Variants in ASIC2 observed in about 807,000 individuals in gnomAD.
The protein encoded by ASIC2 is acid sensing ion channel subunit 2, also known as acid-sensing ion channel 2.
In ASIC2, 25 loss-of-function variants were observed where a neutral mutation model predicts 57.3. That is an observed-to-expected ratio of 0.44 (90% CI 0.32 to 0.61). The LOEUF (loss-of-function observed/expected upper bound fraction) is 0.61, where lower values mean the gene tolerates loss of function less well. ASIC2 is among the 20% of genes least tolerant of loss of function. The probability of loss-of-function intolerance (pLI) is 0.06; values close to 1 mark genes in which losing one functional copy is unlikely to be tolerated. For missense variants in ASIC2, 641 were observed against 738.1 expected, an observed-to-expected ratio of 0.87 and a Z score of 1.52; for synonymous variants, 319 against 307.5, an observed-to-expected ratio of 1.04 and a Z score of -0.39.
intron 1 of ASIC2, among the ~76,000 whole-genome samples, chr17:33,948,603 A>G (rs1245381164): frequency 1.3e-5 from 2 of 152,226 alleles, no homozygotes; most frequent in Non-Finnish European, 2.9e-5. Flanking sequence ...TACACAGAGA[A>G]GGCGTGAGGA....
intron 1 of ASIC2, among the ~76,000 whole-genome samples, chr17:34,034,906 A>T (rs1370594717): frequency 6.6e-6 from 1 of 152,230 alleles, no homozygotes; most frequent in Non-Finnish European, 1.5e-5. Flanking sequence ...ATGGATAGGA[A>T]GAATCAATAT....
intron 3 of ASIC2, among the ~76,000 whole-genome samples, chr17:33,072,354 C>T (rs1053240957): frequency 5.9e-5 from 9 of 152,104 alleles, no homozygotes; most frequent in Admixed American, 3.3e-4. Flanking sequence ...ACAAGCTGTA[C>T]CTACATCTTG....
At chr17:33,365,333 A>G (rs1412891621) in intron 1 of ASIC2, among the ~76,000 whole-genome samples, 1 of 151,120 alleles carries the variant, frequency 6.6e-6, no homozygotes, top group Non-Finnish European at 1.5e-5. Context: ...TGTATTTGTT[A>G]TCTGCCTCTT....
At chr17:33,576,785 TG>T (rs34780555) in intron 1 of ASIC2, among the ~76,000 whole-genome samples, 94,748 of 151,982 alleles carry the variant, frequency 0.62, 31,372 homozygotes, top group African/African-American at 0.86. Flanking sequence ...AAAGGGCACC[TG>T]GTTCTTTGAG....
At position 34,021,927 on chromosome 17, in the gene ASIC2, T is replaced by C. The variant is rs577529086; in HGVS notation, c.555+134051A>G. Among the ~76,000 whole-genome samples the C allele has an allele frequency of 5.0e-5, 7 of 141,088 alleles. No individual in the cohort carries two copies. In the East Asian group the frequency reaches 1.7e-3, roughly 34 times the overall value. The allele number at this position is 141,088 out of a possible 152,430, so 92.6% of individuals were successfully genotyped here. On this transcript the variant is annotated intron_variant, in intron 1 of 9. Transcript: ENST00000359872. The stretch of plus-strand genomic sequence containing the variant: ...ATCTCGGCTCACTGCAAACTCCACC[T>C]CCTGGGCTCACGCCATTCTCTTGTC...
intron 1 of ASIC2, chr17:33,565,651 C>T (rs1177748414): frequency 6.6e-6 from 1 of 152,210 alleles, no homozygotes; most frequent in African/African-American, 2.4e-5. Flanking sequence ...TGAGGATAAT[C>T]CCATTCCCCC....
At chr17:34,119,631 ACACACACAC>A (rs1911539692) in intron 1 of ASIC2, among the ~76,000 whole-genome samples, 1 of 150,746 alleles carries the variant, frequency 6.6e-6, no homozygotes, top group Non-Finnish European at 1.5e-5. Context: ...ACACACACAC[ACACACACAC>A]AAACACACAC....
intron 2 of ASIC2, among the ~76,000 whole-genome samples, chr17:33,105,478 G>A (rs1292307747): frequency 3.3e-5 from 5 of 152,126 alleles, no homozygotes; most frequent in Non-Finnish European, 7.4e-5. Context: ...ACCCAGTCTT[G>A]GTTATTTCTT....
At chr17:33,648,806 T>G (rs1906830162) in intron 1 of ASIC2, among the ~76,000 whole-genome samples, 1 of 152,256 alleles carries the variant, frequency 6.6e-6, no homozygotes, top group Non-Finnish European at 1.5e-5. Context: ...GGAAAAGTCA[T>G]GTTTGAATGA....
chr17:33,420,122 T>C (rs527665973), intron 1 of ASIC2, among the ~76,000 whole-genome samples: 30 of 152,294 alleles, frequency 2.0e-4, no homozygotes, highest in African/African-American at 7.2e-4. Context: ...ACAAAAGTAG[T>C]TCATAATAAA....
intron 1 of ASIC2, among the ~76,000 whole-genome samples, chr17:33,403,210 A>G (rs1483175714): frequency 6.6e-6 from 1 of 152,204 alleles, no homozygotes; most frequent in Non-Finnish European, 1.5e-5. Context: ...TTTGGTTACT[A>G]TTCTCTTTAG....
chr17:33,859,021 A>T (rs1254495981), intron 1 of ASIC2, among the ~76,000 whole-genome samples: 2 of 152,236 alleles, frequency 1.3e-5, no homozygotes, highest in Non-Finnish European at 2.9e-5. Context: ...AACCATATTC[A>T]TTCATGTAGT....
intron 1 of ASIC2, among the ~76,000 whole-genome samples, chr17:33,703,884 AG>A (rs1908783952): frequency 6.6e-6 from 1 of 152,146 alleles, no homozygotes; most frequent in Non-Finnish European, 1.5e-5. Context: ...TCTGACCTTT[AG>A]CCCTCAACTC....
At chr17:33,737,721 T>C (rs1388167516) in intron 1 of ASIC2, among the ~76,000 whole-genome samples, 1 of 150,012 alleles carries the variant, frequency 6.7e-6, no homozygotes, top group Non-Finnish European at 1.5e-5. Flanking sequence ...ATTGAGTAGA[T>C]TCCTGAACTA....
intron 3 of ASIC2, among the ~76,000 whole-genome samples, chr17:33,061,241 A>G (rs371691530): frequency 8.5e-5 from 13 of 152,158 alleles, no homozygotes; most frequent in East Asian, 7.7e-4. Flanking sequence ...TCTTGTGCCA[A>G]TTTTCAAAGG....
chr17:33,031,528 A>G (rs2091883618), intron 3 of ASIC2, among the ~76,000 whole-genome samples: 1 of 152,106 alleles, frequency 6.6e-6, no homozygotes, highest in Non-Finnish European at 1.5e-5. Flanking sequence ...TCAATGTTCG[A>G]TTTTGTTGAA....
chr17:33,737,381 C>T (rs1909947971), intron 1 of ASIC2, among the ~76,000 whole-genome samples: 1 of 152,260 alleles, frequency 6.6e-6, no homozygotes, highest in Non-Finnish European at 1.5e-5. Flanking sequence ...CCTAAATATA[C>T]ATGTCTCTGC....
chr17:33,869,132 A>T (rs1914323219), intron 1 of ASIC2, among the ~76,000 whole-genome samples: 1 of 152,226 alleles, frequency 6.6e-6, no homozygotes, highest in Non-Finnish European at 1.5e-5. Flanking sequence ...AGATATACGA[A>T]TGGCAAATAA....
chr17:34,088,915 C>A (rs988539488), intron 1 of ASIC2, among the ~76,000 whole-genome samples: 23 of 152,296 alleles, frequency 1.5e-4, no homozygotes, highest in Non-Finnish European at 3.2e-4. Flanking sequence ...GTGGGAGTGA[C>A]ACGATTTTCC....
Sources: allele counts gnomAD v4.1 joint callset (sites outside exome capture counted in the v4.1 genomes callset), GRCh38; gene constraint gnomAD v4.1.1; transcripts MANE v1.5; gene names NCBI Gene and HGNC (gene_info 2026-07-23, HGNC 2026-07-21).